FGF14: variants seen among roughly 807,000 people sequenced by gnomAD.
FGF14 encodes fibroblast growth factor homologous factor 4.
FGF14 carries 5 observed loss-of-function variants against 25.5 expected under a neutral mutation model. That is an observed-to-expected ratio of 0.20 (90% confidence interval 0.10 to 0.41). The LOEUF is 0.41. FGF14 is among the 10% of genes least tolerant of loss of function. The pLI, the probability that FGF14 is intolerant of heterozygous loss-of-function variation, is 1.00. For missense variants in FGF14, 222 were observed against 320.1 expected (o/e 0.69, Z 2.34); for synonymous variants, 138 against 118.3 (o/e 1.17, Z -1.08).
intron 1 of FGF14, among the ~76,000 whole-genome samples, chr13:102,270,528 A>G (rs1478420347): frequency 2.6e-5 from 4 of 152,168 alleles, no homozygotes; most frequent in Non-Finnish European, 1.5e-5. Flanking sequence ...ATTACTTACC[A>G]AATATATAAA....
At chr13:102,090,684 T>C (rs1009903079) in intron 1 of FGF14, among the ~76,000 whole-genome samples, 11 of 152,218 alleles carry the variant, frequency 7.2e-5, no homozygotes, top group African/African-American at 2.2e-4. Flanking sequence ...GAAGTAGGGC[T>C]ACGAAGCTGA....
At chr13:101,917,937 G>T (rs1305381252), upstream of FGF14, among the ~76,000 whole-genome samples, 1 of 152,128 alleles carries the variant, frequency 6.6e-6, no homozygotes, top group Non-Finnish European at 1.5e-5. Flanking sequence ...AATATAAGGG[G>T]CAGAGGAGGG....
rs1422604803 is a variant in FGF14, at chr13:101,716,645, A to G, written c.*6186T>C. The G allele has an allele frequency of 4.6e-5, 7 of 152,066 alleles. No homozygotes were observed. The highest frequency in any genetic ancestry group is 1.0e-4 in the Non-Finnish European group (7 of 67,992). 9.4% of individuals were successfully genotyped at this position (152,066 alleles called of 1,614,324 possible). On this transcript the variant is annotated 3_prime_UTR_variant, in exon 5 of 5. Coordinates refer to ENST00000376143, the MANE Select transcript of FGF14 (RefSeq NM_004115.4). ...AAGACAATATTGAGTTACATATAAA[A>G]TGGGCCTGAAGTATGCATCCATTTC...
At chr13:102,187,562 C>T (rs2048925896) in intron 1 of FGF14, among the ~76,000 whole-genome samples, 1 of 152,126 alleles carries the variant, frequency 6.6e-6, no homozygotes, top group Admixed American at 6.5e-5. Context: ...AATCTAGTCC[C>T]CATCATTGCC....
At chr13:101,986,092 T>C (rs76499182) in intron 1 of FGF14, among the ~76,000 whole-genome samples, 3,329 of 152,242 alleles carry the variant, frequency 0.022, 122 homozygotes, top group African/African-American at 0.077. Context: ...TACTTAAGGA[T>C]GCTTATTTGT....
intron 1 of FGF14, among the ~76,000 whole-genome samples, chr13:101,901,462 G>A (rs1292017278): frequency 6.6e-6 from 1 of 152,174 alleles, no homozygotes; most frequent in Non-Finnish European, 1.5e-5. Flanking sequence ...CCAGTACTTT[G>A]GGAGGCCGGG....
intron 1 of FGF14, among the ~76,000 whole-genome samples, chr13:102,374,911 G>A (rs1488092571): frequency 1.3e-5 from 2 of 151,758 alleles, no homozygotes; most frequent in South Asian, 2.1e-4. Flanking sequence ...GCTTGCTAGT[G>A]AATTATGCTG....
At chr13:101,847,949 A>G (rs1386757633) in intron 3 of FGF14, among the ~76,000 whole-genome samples, 1 of 152,066 alleles carries the variant, frequency 6.6e-6, no homozygotes, top group Non-Finnish European at 1.5e-5. Flanking sequence ...CATTTAGTAG[A>G]GTAATGGAAA....
intron 1 of FGF14, among the ~76,000 whole-genome samples, chr13:102,217,834 A>G (rs1420975161): frequency 6.6e-6 from 1 of 152,056 alleles, no homozygotes; most frequent in Non-Finnish European, 1.5e-5. Context: ...TGAGGGGAGC[A>G]CTCTGCTGCA....
At chr13:102,094,099 G>A (rs1419527535) in intron 1 of FGF14, among the ~76,000 whole-genome samples, 2 of 149,680 alleles carry the variant, frequency 1.3e-5, no homozygotes, top group Non-Finnish European at 3.0e-5. Flanking sequence ...GAAGACTCAT[G>A]AAGCCACTGC....
intron 1 of FGF14, among the ~76,000 whole-genome samples, chr13:102,280,727 TAAG>T (rs1270860846): frequency 6.6e-6 from 1 of 152,050 alleles, no homozygotes; most frequent in Non-Finnish European, 1.5e-5. Context: ...GATAAAGAAA[TAAG>T]AACAGCTCCA....
At chr13:101,726,929 G>T (rs940985277) in intron 3 of FGF14, 119 bp from the exon 4 acceptor site, 1 of 698,436 alleles carries the variant, frequency 1.4e-6, no homozygotes, top group Admixed American at 2.4e-5. Context: ...TGGAGGACCG[G>T]ATATACCCCT....
At chr13:101,895,151 TTTC>T (rs1227455524) in intron 1 of FGF14, among the ~76,000 whole-genome samples, 1 of 152,196 alleles carries the variant, frequency 6.6e-6, no homozygotes, top group Non-Finnish European at 1.5e-5. Context: ...TGTACATCCT[TTTC>T]TTGTCATGTT....
At chr13:102,018,951 G>A (rs939475700) in intron 1 of FGF14, among the ~76,000 whole-genome samples, 2 of 152,098 alleles carry the variant, frequency 1.3e-5, no homozygotes, top group African/African-American at 4.8e-5. Context: ...ACAATGAGTT[G>A]CATGCTCAAT....
intron 3 of FGF14, among the ~76,000 whole-genome samples, chr13:101,799,316 G>A (rs2040736448): frequency 6.6e-6 from 1 of 152,034 alleles, no homozygotes; most frequent in South Asian, 2.1e-4. Flanking sequence ...GGATAGAGAA[G>A]TCACATCAGT....
At chr13:101,999,184 A>G (rs1222869698) in intron 1 of FGF14, among the ~76,000 whole-genome samples, 1 of 152,208 alleles carries the variant, frequency 6.6e-6, no homozygotes, top group African/African-American at 2.4e-5. Context: ...TTAAAGAAGA[A>G]TGTGCATTTT....
At chr13:101,755,472 G>A (rs1327456746) in intron 3 of FGF14, among the ~76,000 whole-genome samples, 1 of 151,956 alleles carries the variant, frequency 6.6e-6, no homozygotes, top group East Asian at 1.9e-4. Flanking sequence ...CTGCACTCCA[G>A]GTGACAGAGT....
At chr13:101,999,017 T>C (rs1272184200) in intron 1 of FGF14, among the ~76,000 whole-genome samples, 1 of 152,208 alleles carries the variant, frequency 6.6e-6, no homozygotes, top group South Asian at 2.1e-4. Flanking sequence ...ACCCTATAAA[T>C]GATTTCAAAC....
At chr13:102,222,813 T>A (rs1374133189) in intron 1 of FGF14, among the ~76,000 whole-genome samples, 1 of 152,128 alleles carries the variant, frequency 6.6e-6, no homozygotes, top group Non-Finnish European at 1.5e-5. Flanking sequence ...CTTCTCGAAA[T>A]ACAGCATCAG....
Sources: gnomAD v4.1 joint callset for allele counts (sites outside exome capture counted in the v4.1 genomes callset) on GRCh38, gnomAD v4.1.1 for gene constraint, MANE v1.5 for transcripts, NCBI Gene and HGNC (gene_info 2026-07-23, HGNC 2026-07-21) for gene names.